Variants in ROCK2 observed in about 807,000 individuals in gnomAD.
The protein encoded by ROCK2 is Rho associated coiled-coil containing protein kinase 2.
ROCK2 carries 61 observed loss-of-function variants against 195.1 expected under a neutral mutation model. The observed-to-expected ratio is 0.31, with a 90% CI of 0.25 to 0.39. The LOEUF (loss-of-function observed/expected upper bound fraction) is 0.39, where lower values mean the gene tolerates loss of function less well. Among genes scored for constraint, ROCK2 ranks in the 10% least tolerant of loss-of-function variants. The probability of loss-of-function intolerance (pLI) is 1.00; values close to 1 mark genes in which losing one functional copy is unlikely to be tolerated. For synonymous variants in ROCK2, 504 were observed against 545.5 expected (o/e 0.92, Z 1.06); for missense variants, 1,109 against 1,637.4 (o/e 0.68, Z 5.57).
At chr2:11,231,020 T>C (rs1189863187) in intron 5 of ROCK2, among the ~76,000 whole-genome samples, 2 of 152,160 alleles carry the variant, frequency 1.3e-5, no homozygotes, top group African/African-American at 4.8e-5. Flanking sequence ...ATATTTAATA[T>C]GATACATTTA....
At chr2:11,315,982 C>T (rs548088135) in intron 1 of ROCK2, among the ~76,000 whole-genome samples, 3 of 151,986 alleles carry the variant, frequency 2.0e-5, no homozygotes, top group Non-Finnish European at 4.4e-5. Context: ...AACTGAGGAA[C>T]GGAATTTATG....
chr2:11,308,031 G>T (rs1225849023), intron 1 of ROCK2: 13 of 1,578,784 alleles, frequency 8.2e-6, no homozygotes, highest in Non-Finnish European at 1.1e-5. Context: ...AGCCATGTCA[G>T]AGGTGACCCG....
intron 1 of ROCK2, among the ~76,000 whole-genome samples, chr2:11,311,698 A>G (rs2148231635): frequency 6.6e-6 from 1 of 152,330 alleles, no homozygotes; most frequent in South Asian, 2.1e-4. Flanking sequence ...CCAGCAGTCA[A>G]ACATTAGCAG....
chr2:11,202,154 C>T, intron 20 of ROCK2, 33 bp from the exon 21 acceptor site: 1 of 1,554,104 alleles, frequency 6.4e-7, no homozygotes, highest in Non-Finnish European at 8.9e-7. Flanking sequence ...GTTTAAATAA[C>T]TTACACATAT....
chr2:11,256,336 T>G (rs1025328741), intron 3 of ROCK2, among the ~76,000 whole-genome samples: 1 of 151,064 alleles, frequency 6.6e-6, no homozygotes, highest in Non-Finnish European at 1.5e-5. Context: ...ATCTGGTTGT[T>G]AAAAGTATAT....
chr2:11,205,161 T>C (rs891315734), intron 20 of ROCK2, among the ~76,000 whole-genome samples: 2 of 152,186 alleles, frequency 1.3e-5, no homozygotes, highest in African/African-American at 4.8e-5. Flanking sequence ...CCAATTACTC[T>C]GTAGAGGAGA....
At chr2:11,325,332 C>T (rs1331762037) in intron 1 of ROCK2, among the ~76,000 whole-genome samples, 2 of 152,178 alleles carry the variant, frequency 1.3e-5, no homozygotes, top group African/African-American at 2.4e-5. Context: ...AACCAATCCC[C>T]CTTGGATACT....
chr2:11,183,409 G>A lies in ROCK2; in HGVS notation c.*28C>T, dbSNP rs372509696. On this transcript the variant is annotated 3_prime_UTR_variant, in exon 33 of 33. Coordinates refer to ENST00000315872, the MANE Select transcript of ROCK2 (RefSeq NM_004850.5). ...TTCACTGGAAGAATACGATCACCTTGAATAATGACTGCTTTCATAGAAGGC... is the reference window on the plus strand; with the variant it reads ...TTCACTGGAAGAATACGATCACCTTAAATAATGACTGCTTTCATAGAAGGC... The A allele has an allele frequency of 4.9e-5, 78 of 1,587,320 alleles. No individual in the cohort carries two copies. The African/African-American group carries it at 9.7e-4, about 20-fold the overall frequency.
Position 11,285,282 on chromosome 2 carries a change from AT to A in ROCK2, c.324+1256del, listed in dbSNP as rs1469401492. 1.7e-4 allele frequency among the ~76,000 whole-genome samples: 23 copies of A among 139,144 alleles called. No homozygotes were observed. In the East Asian group the frequency reaches 1.7e-3, roughly 10 times the overall value. 91.3% of individuals were successfully genotyped at this position (139,144 alleles called of 152,430 possible). A position where few individuals can be genotyped will look rare whatever the true frequency, so the allele number is the denominator to read the frequency against. On this transcript the variant is annotated intron_variant, in intron 3 of 32. Transcript: ENST00000315872. Reference sequence around the variant, plus strand: ...TGTCTAAAAAAAAAAAAAAAAAAAAATGTTTAATAGGAGAAGAGGGACCCTG... The same window carrying A: ...TGTCTAAAAAAAAAAAAAAAAAAAAAGTTTAATAGGAGAAGAGGGACCCTG...
chr2:11,340,174 C>A (rs1669058395), intron 1 of ROCK2, among the ~76,000 whole-genome samples: 1 of 152,092 alleles, frequency 6.6e-6, no homozygotes, highest in Non-Finnish European at 1.5e-5. Context: ...TAGAAAGGTA[C>A]ACAGTACATA....
intron 1 of ROCK2, among the ~76,000 whole-genome samples, chr2:11,302,698 T>C (rs1302940627): frequency 2.6e-5 from 4 of 152,228 alleles, no homozygotes; most frequent in African/African-American, 9.6e-5. Flanking sequence ...ACATTGGATT[T>C]CAAAGACTTA....
At chr2:11,264,972 T>C (rs967764456) in intron 3 of ROCK2, among the ~76,000 whole-genome samples, 2 of 152,210 alleles carry the variant, frequency 1.3e-5, no homozygotes, top group Admixed American at 1.3e-4. Flanking sequence ...TGGAATCCTC[T>C]GCCTAAATTC....
At chr2:11,315,764 A>T (rs1277054878) in intron 1 of ROCK2, among the ~76,000 whole-genome samples, 1 of 152,120 alleles carries the variant, frequency 6.6e-6, no homozygotes, top group Non-Finnish European at 1.5e-5. Context: ...CACTTTTTTG[A>T]ACAACCTCAG....
chr2:11,276,334 G>A lies in ROCK2; in HGVS notation c.324+10205C>T, dbSNP rs113347616. On this transcript the variant is annotated intron_variant, in intron 3 of 32. Transcript: ENST00000315872. Reference sequence around the variant, plus strand: ...ATTAGAATAAGTTAGGCAAAATTGCGGCATACAAAGTCAACACTCAAAAGT... The same window carrying A: ...ATTAGAATAAGTTAGGCAAAATTGCAGCATACAAAGTCAACACTCAAAAGT... 7.8e-3 allele frequency among the ~76,000 whole-genome samples: 1,183 copies of A among 152,022 alleles called. 11 individuals carry two copies. The highest frequency in any genetic ancestry group is 0.025 in the African/African-American group (1,028 of 41,444).
intron 4 of ROCK2, among the ~76,000 whole-genome samples, chr2:11,243,502 C>A (rs1290338523): frequency 1.3e-5 from 2 of 152,110 alleles, no homozygotes; most frequent in Non-Finnish European, 1.5e-5. Flanking sequence ...CATTAACAGT[C>A]ATAAATAATG....
Position 11,208,417 on chromosome 2 carries a change from G to A in ROCK2, c.2234C>T (p.Thr745Ile). ...TAGGTTCTCCACTTTCTGTTTTAAA[G>A]TTCTTTCCTCCAAGAGCTTCTTCTC... The part of the protein sequence containing the change: ...EMEKKLLEER[T>I]LKQKVENLLL... The change falls in exon 19 of 33, where the codon ACT (threonine) becomes ATT (isoleucine). Residue 745 changes from threonine (T) to isoleucine (I), a missense_variant. This residue lies in a region of ROCK2 where 542 missense variants were observed against 672.0 expected (regional missense o/e 0.81). Transcript: ENST00000315872. The A allele has an allele frequency of 6.5e-7, 1 of 1,529,180 alleles. No individual in the cohort carries two copies. Among genetic ancestry groups the A allele is most frequent in the Non-Finnish European group, 8.9e-7 (1 of 1,128,332 alleles). 94.7% of individuals were successfully genotyped at this position (1,529,180 alleles called of 1,614,324 possible).
At chr2:11,315,061 T>C (rs1668150427) in intron 1 of ROCK2, among the ~76,000 whole-genome samples, 1 of 151,994 alleles carries the variant, frequency 6.6e-6, no homozygotes, top group African/African-American at 2.4e-5. Context: ...CTAAAATAAC[T>C]TTATAACCTT....
At chr2:11,326,229 T>TA (rs1329600077) in intron 1 of ROCK2, among the ~76,000 whole-genome samples, 67 of 67,382 alleles carry the variant, frequency 9.9e-4, no homozygotes, top group East Asian at 9.4e-3. Context: ...CAAATGCATT[T>TA]AAAAAAAAAA....
rs112415472 is a variant in ROCK2, at chr2:11,262,581, T to C, written c.325-12783A>G. On this transcript the variant is annotated intron_variant, in intron 3 of 32. Transcript: ENST00000315872. ...TAGTAAGTCTCATGAGATCTAATGG[T>C]TATTATAAGGGGGGAGTTTTCCTGC... is the stretch of plus-strand genomic sequence containing the variant. 7.0e-3 allele frequency among the ~76,000 whole-genome samples: 1,063 copies of C among 152,174 alleles called. 20 individuals carry two copies. The highest frequency in any genetic ancestry group is 0.025 in the African/African-American group (1,023 of 41,516).
Sources: gnomAD v4.1 joint callset for allele counts (sites outside exome capture counted in the v4.1 genomes callset) on GRCh38, gnomAD v4.1.1 for gene constraint, gnomAD v4.1.1 regional missense constraint, MANE v1.5 for transcripts, NCBI Gene and HGNC (gene_info 2026-07-23, HGNC 2026-07-21) for gene names.